The following NEGR1 variants were observed in gnomAD, a reference collection of about 807,000 sequenced individuals.
The protein encoded by NEGR1 is neuronal growth regulator 1.
A neutral mutation model predicts 40.9 loss-of-function variants in NEGR1; 10 were observed. That is an observed-to-expected ratio of 0.24 (90% CI 0.15 to 0.42). NEGR1 has a LOEUF of 0.42. Among genes scored for constraint, NEGR1 ranks in the 10% least tolerant of loss-of-function variants. NEGR1 has a pLI of 1.00. For synonymous variants in NEGR1, 185 were observed against 166.8 expected (o/e 1.11, Z -0.84); for missense variants, 352 against 438.9 (o/e 0.80, Z 1.77).
At chr1:71,531,503 G>C (rs7555348) in intron 6 of NEGR1, among the ~76,000 whole-genome samples, 1 of 151,324 alleles carries the variant, frequency 6.6e-6, no homozygotes, top group Non-Finnish European at 1.5e-5. Flanking sequence ...ATATGAACCT[G>C]AGATTATATT....
chr1:71,740,860 T>C (rs1655191171), intron 3 of NEGR1, among the ~76,000 whole-genome samples: 1 of 152,186 alleles, frequency 6.6e-6, no homozygotes, highest in Admixed American at 6.5e-5. Context: ...ACAATTCTTA[T>C]GGTCAAGTTA....
chr1:71,727,215 G>C (rs183702201), intron 3 of NEGR1, among the ~76,000 whole-genome samples: 3 of 151,864 alleles, frequency 2.0e-5, no homozygotes, highest in African/African-American at 7.2e-5. Flanking sequence ...TTTCCTATCT[G>C]GATGCTCTTC....
intron 3 of NEGR1, among the ~76,000 whole-genome samples, chr1:71,746,926 T>C (rs1655405713): frequency 6.6e-6 from 1 of 152,240 alleles, no homozygotes; most frequent in East Asian, 1.9e-4. Flanking sequence ...AAATGGAATA[T>C]TGGCTGTCTC....
chr1:72,274,653 T>A (rs1286070804), intron 1 of NEGR1: 1 of 866,158 alleles, frequency 1.2e-6, no homozygotes, highest in East Asian at 2.4e-5. Context: ...CAAGGCTAAG[T>A]GCTATTTATG....
At chr1:72,102,336 T>G (rs938126861) in intron 1 of NEGR1, among the ~76,000 whole-genome samples, 9 of 152,042 alleles carry the variant, frequency 5.9e-5, no homozygotes, top group Admixed American at 2.6e-4. Context: ...GAAAGCTCCA[T>G]GGTCTTTATA....
intron 6 of NEGR1, among the ~76,000 whole-genome samples, chr1:71,431,563 T>TTCATTC (rs1557523696): frequency 0.012 from 603 of 52,004 alleles, 6 homozygotes; most frequent in African/African-American, 0.017. Flanking sequence ...TCCATCTGTT[T>TTCATTC]ATCCATTCAT....
chr1:72,234,065 A>T (rs1046904601), intron 1 of NEGR1, among the ~76,000 whole-genome samples: 1 of 152,118 alleles, frequency 6.6e-6, no homozygotes, highest in African/African-American at 2.4e-5. Flanking sequence ...TTTGTTATAC[A>T]AAGTATTCGC....
At chr1:72,098,447 G>T (rs556878470) in intron 1 of NEGR1, among the ~76,000 whole-genome samples, 109 of 152,202 alleles carry the variant, frequency 7.2e-4, no homozygotes, top group African/African-American at 2.6e-3. Flanking sequence ...AATCATAGAT[G>T]CTGGCTCTAG....
intron 5 of NEGR1, among the ~76,000 whole-genome samples, chr1:71,597,919 A>T (rs183515374): frequency 0.015 from 2,177 of 143,316 alleles, 25 homozygotes; most frequent in Non-Finnish European, 0.022. Flanking sequence ...TCCCAAAATT[A>T]AAAAAAAAAT....
intron 1 of NEGR1, among the ~76,000 whole-genome samples, chr1:72,190,608 C>T (rs1234414280): frequency 6.6e-6 from 1 of 151,566 alleles, no homozygotes; most frequent in African/African-American, 2.4e-5. Flanking sequence ...TATTCCTAAA[C>T]ATATACTTCA....
chr1:71,996,885 GT>G (rs1297099480), intron 1 of NEGR1, among the ~76,000 whole-genome samples: 2 of 151,940 alleles, frequency 1.3e-5, no homozygotes, highest in African/African-American at 4.8e-5. Flanking sequence ...CCCAATGTCT[GT>G]TTTCCCTGAT....
chr1:71,575,500 C>A (rs1648933927), intron 6 of NEGR1, among the ~76,000 whole-genome samples: 1 of 152,178 alleles, frequency 6.6e-6, no homozygotes, highest in African/African-American at 2.4e-5. Context: ...AAAATCTTTC[C>A]CAGTTGGGCA....
chr1:71,514,398 T>C (rs1435713257), intron 6 of NEGR1, among the ~76,000 whole-genome samples: 1 of 95,182 alleles, frequency 1.1e-5, no homozygotes, highest in Non-Finnish European at 2.1e-5. Context: ...GACTGCCTCC[T>C]CAAGTGGGTC....
In NEGR1 at chr1:72,097,353, A is replaced by G. The variant is rs572222612; in HGVS notation, c.177-162042T>C. Among the ~76,000 whole-genome samples the G allele has an allele frequency of 2.5e-4, 38 of 152,312 alleles. 1 individual carries two copies. Among genetic ancestry groups the G allele is most frequent in the African/African-American group, 8.7e-4 (36 of 41,566 alleles). ...AACATATCTGATACACACATAAAGT[A>G]TTAACTATTGTTGTCAATCTATCCA... is the stretch of plus-strand genomic sequence containing the variant. On this transcript the variant is annotated intron_variant, in intron 1 of 6. Coordinates refer to ENST00000357731, the MANE Select transcript of NEGR1 (RefSeq NM_173808.3).
At chr1:72,123,864 G>T (rs2821240) in intron 1 of NEGR1, among the ~76,000 whole-genome samples, 150,880 of 152,118 alleles carry the variant, frequency 0.99, 74,845 homozygotes, top group Middle Eastern at 1. Flanking sequence ...TATTTGGTAT[G>T]AACTGCAAAT....
rs370132057 is a variant in NEGR1 at position 72,160,482 on chromosome 1, ATAAAAATATTTTTAAC to A, written c.176+121821_176+121836del. ...AATTGTATTGTTTATGTGACTAAAC[ATAAAAATATTTTTAAC>A]TAAAAAGTCAATTTTCAATTACAGA... On this transcript the variant is annotated intron_variant, in intron 1 of 6. Coordinates refer to ENST00000357731, the MANE Select transcript of NEGR1 (RefSeq NM_173808.3). Among the ~76,000 whole-genome samples the A allele has an allele frequency of 1.9e-4, 29 of 152,314 alleles. No homozygotes were observed. In the East Asian group the frequency reaches 5.4e-3, roughly 28 times the overall value.
chr1:72,084,921 A>G (rs1210816448), intron 1 of NEGR1, among the ~76,000 whole-genome samples: 1 of 152,220 alleles, frequency 6.6e-6, no homozygotes, highest in Non-Finnish European at 1.5e-5. Context: ...TATAAAAGTG[A>G]GTATTAAATT....
At chr1:71,522,566 A>C (rs1331859503) in intron 6 of NEGR1, among the ~76,000 whole-genome samples, 6 of 152,084 alleles carry the variant, frequency 3.9e-5, no homozygotes, top group Admixed American at 1.3e-4. Context: ...GTGAAATGTC[A>C]TCATTTCTGC....
intron 3 of NEGR1, among the ~76,000 whole-genome samples, chr1:71,736,450 A>AT (rs35476082): frequency 6.6e-6 from 1 of 152,090 alleles, no homozygotes; most frequent in Non-Finnish European, 1.5e-5. Flanking sequence ...TTTAAAATGT[A>AT]TTTTTTCCCC....
Sources: gnomAD v4.1 joint callset for allele counts (sites outside exome capture counted in the v4.1 genomes callset) on GRCh38, gnomAD v4.1.1 for gene constraint, MANE v1.5 for transcripts, NCBI Gene and HGNC (gene_info 2026-07-23, HGNC 2026-07-21) for gene names.